G6PC3: variants seen among roughly 807,000 people sequenced by gnomAD.
G6PC3 encodes glucose-6-phosphatase catalytic subunit 3, also known as glucose-6-phosphatase 3.
Under a neutral mutation model 38.6 loss-of-function variants are expected in G6PC3, and 30 were observed. The observed-to-expected ratio is 0.78, with a 90% CI of 0.58 to 1.05. The LOEUF (loss-of-function observed/expected upper bound fraction) is 1.05, where lower values mean the gene tolerates loss of function less well. Ranked by LOEUF, G6PC3 falls within the 50% of genes least tolerant of loss-of-function variation. G6PC3 has a pLI of 0.00. For synonymous variants in G6PC3, 192 were observed against 178.1 expected, an observed-to-expected ratio of 1.08 and a Z score of -0.62; for missense variants, 377 against 443.1, an observed-to-expected ratio of 0.85 and a Z score of 1.34.
rs560767207 is a variant in G6PC3 at position 44,075,456 on chromosome 17, G to A, written c.677+5G>A. Reference sequence around the variant, plus strand: ...ACTGGGCCTGGATCTTTCTTGGTAAGTCTCGCTTTGAAGCCTGGGCAGGCT... The same window carrying A: ...ACTGGGCCTGGATCTTTCTTGGTAAATCTCGCTTTGAAGCCTGGGCAGGCT... On this transcript the variant is annotated splice_donor_5th_base_variant and intron_variant, in intron 5 of 5. Transcript: ENST00000269097. 72 of 1,614,134 alleles carry A rather than the reference G, an allele frequency of 4.5e-5. No individual in the cohort carries two copies. The South Asian group carries it at 7.8e-4, about 17-fold the overall frequency.
In G6PC3 at chr17:44,070,894, A is replaced by T. The variant is rs890663955; in HGVS notation, c.-72A>T. The T allele has an allele frequency of 6.6e-7, 1 of 1,517,338 alleles. No homozygotes were observed. The highest frequency in any genetic ancestry group is 1.4e-5 in the African/African-American group (1 of 72,528). 94.0% of individuals were successfully genotyped at this position (1,517,338 alleles called of 1,614,324 possible). A position where few individuals can be genotyped will look rare whatever the true frequency, so the allele number is the denominator to read the frequency against. On this transcript the variant is annotated 5_prime_UTR_variant, in exon 1 of 6. Coordinates refer to ENST00000269097, the MANE Select transcript of G6PC3 (RefSeq NM_138387.4). ...GTGGGCTTTGGAGATCAGAGGGTCG[A>T]CGCTGCTTCGTTGCCTGGACTCTGG...
chr17:44,070,971 GTC>G lies in G6PC3; in HGVS notation c.7_8del (p.Ser3HisfsTer83). The G allele has an allele frequency of 6.4e-7, 1 of 1,552,080 alleles. No homozygotes were observed. Among genetic ancestry groups the G allele is most frequent in the Non-Finnish European group, 8.7e-7 (1 of 1,147,662 alleles). On this transcript the variant is annotated frameshift_variant, in exon 1 of 6. Transcript: ENST00000269097. ME[S>X]TLGAGIVIAE... ...TGGTCGGCAGCTGGGCCGCCATGGAGTCCACGCTGGGCGCGGGCATCGTGATA... is the reference window on the plus strand; with the variant it reads ...TGGTCGGCAGCTGGGCCGCCATGGAGCACGCTGGGCGCGGGCATCGTGATA...
chr17:44,074,309 G>A (rs1597908151), intron 2 of G6PC3, 43 bp downstream of exon 2: 1 of 1,449,274 alleles, frequency 6.9e-7, no homozygotes, highest in East Asian at 2.3e-5. Context: ...TGTGGTTAGG[G>A]TTCGGGTGAA....
chr17:44,075,845 C>T lies in G6PC3; in HGVS notation c.843C>T (p.Gly281=). 1 of 1,612,108 alleles carries T rather than the reference C, an allele frequency of 6.2e-7. No individual in the cohort carries two copies. The highest frequency in any genetic ancestry group is 1.1e-5 in the South Asian group (1 of 91,090). The change falls in exon 6 of 6, where the codon GGC becomes GGT. Residue 281 remains glycine (G), a synonymous_variant. Coordinates refer to ENST00000269097, the MANE Select transcript of G6PC3 (RefSeq NM_138387.4). ...AQVRRAQLGN[G]QKIACLVLAM... ...TGCGTCGGGCACAGCTGGGAAATGG[C>T]CAGAAGATAGCCTGCCTTGTGCTGG...
At chr17:44,071,769 C>CTG in intron 1 of G6PC3, 1 of 542,522 alleles carries the variant, frequency 1.8e-6, no homozygotes, top group Non-Finnish European at 3.2e-6. Flanking sequence ...GGCCCCGGGC[C>CTG]AGAGCTACTG....
At chr17:44,071,241 G>A (rs777080450) in intron 1 of G6PC3, 58 bp downstream of exon 1, 3 of 1,579,792 alleles carry the variant, frequency 1.9e-6, no homozygotes, top group South Asian at 1.1e-5. Context: ...CCTGAGTCAT[G>A]TGTAAGCCCT....
rs141663645 is a variant in G6PC3 at position 44,075,020 on chromosome 17, G to T, written c.468G>T (p.Ala156=). The change falls in exon 4 of 6, where the codon GCG becomes GCT. Residue 156 remains alanine, a synonymous_variant. Transcript: ENST00000269097. ...PSLAYCTFLL[A]VGLSRIFILA... is the part of the protein sequence containing the mutation. ...TGGCTTATTGCACCTTCCTTTTGGCGGTTGGCTTGTCGCGAATCTTCATCT... is the reference window on the plus strand; with the variant it reads ...TGGCTTATTGCACCTTCCTTTTGGCTGTTGGCTTGTCGCGAATCTTCATCT... 1.1e-5 allele frequency: 18 copies of T among 1,614,040 alleles called. No homozygotes were observed. The highest frequency in any genetic ancestry group is 1.4e-5 in the Non-Finnish European group (17 of 1,180,034).
intron 5 of G6PC3, 92 bp from the exon 6 acceptor site, chr17:44,075,588 G>T: frequency 6.2e-7 from 1 of 1,601,918 alleles, no homozygotes; most frequent in South Asian, 1.1e-5. Flanking sequence ...GCACAAAACA[G>T]AACATGGGAG....
rs752964083 is a variant in G6PC3 at position 44,075,983 on chromosome 17, C to T, written c.981C>T (p.Leu327=). ...TCTGGCCATGCCTAGTCCTGGCCCTCGTGCCCTGGGCAGTGCACATGTTCA... is the reference window on the plus strand; with the variant it reads ...TCTGGCCATGCCTAGTCCTGGCCCTTGTGCCCTGGGCAGTGCACATGTTCA... ...YTLWPCLVLA[L]VPWAVHMFSA... Residue 327 remains leucine, a synonymous_variant, in exon 6 of 6, where the codon CTC becomes CTT. Coordinates refer to ENST00000269097, the MANE Select transcript of G6PC3 (RefSeq NM_138387.4). The T allele has an allele frequency of 9.9e-6, 16 of 1,613,062 alleles. 1 individual carries two copies. Among genetic ancestry groups the T allele is most frequent in the South Asian group, 7.7e-5 (7 of 91,082 alleles).
In G6PC3 at chr17:44,070,969, GA is replaced by G; in HGVS notation, c.5del (p.Glu2GlyfsTer9). 1 of 1,551,848 alleles carries G rather than the reference GA, an allele frequency of 6.4e-7. No homozygotes were observed. The highest frequency in any genetic ancestry group is 8.7e-7 in the Non-Finnish European group (1 of 1,147,590). On this transcript the variant is annotated frameshift_variant, in exon 1 of 6. Transcript: ENST00000269097. The part of the protein sequence containing the change: M[E>X]STLGAGIVIA... Reference sequence around the variant, plus strand: ...CCTGGTCGGCAGCTGGGCCGCCATGGAGTCCACGCTGGGCGCGGGCATCGTG... The same window carrying G: ...CCTGGTCGGCAGCTGGGCCGCCATGGGTCCACGCTGGGCGCGGGCATCGTG...
In G6PC3 at chr17:44,070,884, C is replaced by A. The variant is rs968996122; in HGVS notation, c.-82C>A. The A allele has an allele frequency of 3.4e-6, 5 of 1,486,768 alleles. No homozygotes were observed. The highest frequency in any genetic ancestry group is 2.4e-5 in the South Asian group (2 of 82,552). 92.1% of individuals were successfully genotyped at this position (1,486,768 alleles called of 1,614,324 possible). A position where few individuals can be genotyped will look rare whatever the true frequency, so the allele number is the denominator to read the frequency against. On this transcript the variant is annotated 5_prime_UTR_variant, in exon 1 of 6. Transcript: ENST00000269097. The stretch of plus-strand genomic sequence containing the variant: ...GCTCAGAGGGGTGGGCTTTGGAGAT[C>A]AGAGGGTCGACGCTGCTTCGTTGCC...
rs746410997 is a variant in G6PC3 at position 44,075,791 on chromosome 17, T to C, written c.789T>C (p.Ile263=). 9.9e-6 allele frequency: 16 copies of C among 1,612,044 alleles called. No homozygotes were observed. The highest frequency in any genetic ancestry group is 1.3e-5 in the Non-Finnish European group (15 of 1,180,020). Reference sequence around the variant, plus strand: ...CAGGGGCTGCCCTGGGCCTGGGCATTGCCTTGCACTCTCCCTGCTATGCCC... The same window carrying C: ...CAGGGGCTGCCCTGGGCCTGGGCATCGCCTTGCACTCTCCCTGCTATGCCC... The part of the protein sequence containing the change: ...RDSGAALGLG[I]ALHSPCYAQV... The change falls in exon 6 of 6, where the codon ATT becomes ATC. Residue 263 remains isoleucine, a synonymous_variant. Transcript: ENST00000269097.
rs1211592890 is a variant in G6PC3 at position 44,070,993 on chromosome 17, G to C, written c.28G>C (p.Val10Leu). Residue 10 changes from valine (V) to leucine (L), a missense_variant, in exon 1 of 6, where the codon GTG becomes CTG. Coordinates refer to ENST00000269097, the MANE Select transcript of G6PC3 (RefSeq NM_138387.4). Reference sequence around the variant, plus strand: ...GGAGTCCACGCTGGGCGCGGGCATCGTGATAGCCGAGGCGCTACAGAACCA... The same window carrying C: ...GGAGTCCACGCTGGGCGCGGGCATCCTGATAGCCGAGGCGCTACAGAACCA... MESTLGAGI[V>L]IAEALQNQLA... The C allele has an allele frequency of 6.4e-7, 1 of 1,557,938 alleles. No homozygotes were observed. Among genetic ancestry groups the C allele is most frequent in the African/African-American group, 1.4e-5 (1 of 73,522 alleles).
Position 44,076,088 on chromosome 17 carries a change from C to G in G6PC3, c.*45C>G. 2 of 1,607,376 alleles carry G rather than the reference C, an allele frequency of 1.2e-6. No individual in the cohort carries two copies. Among genetic ancestry groups the G allele is most frequent in the Non-Finnish European group, 8.5e-7 (1 of 1,179,672 alleles). ...TCCTTTCCCTCCCACAAAGCCAACA[C>G]TCTGTGACCACCACACTCCAGGAGG... On this transcript the variant is annotated 3_prime_UTR_variant, in exon 6 of 6. Coordinates refer to ENST00000269097, the MANE Select transcript of G6PC3 (RefSeq NM_138387.4).
chr17:44,071,987 A>G (rs892938222), intron 1 of G6PC3: 2 of 260,778 alleles, frequency 7.7e-6, no homozygotes, highest in African/African-American at 4.5e-5. Flanking sequence ...ATGCAGCCAC[A>G]CCTCCCTTCA....
In G6PC3 at chr17:44,076,008, A is replaced by C. The variant is rs141431274; in HGVS notation, c.1006A>C (p.Ser336Arg). Residue 336 changes from serine to arginine, a missense_variant, in exon 6 of 6, where the codon AGT becomes CGT. Coordinates refer to ENST00000269097, the MANE Select transcript of G6PC3 (RefSeq NM_138387.4). Reference protein sequence around the residue: ...ALVPWAVHMFSAQEAPPIHSS With the variant: ...ALVPWAVHMFRAQEAPPIHSS ...CGTGCCCTGGGCAGTGCACATGTTC[A>C]GTGCCCAGGAAGCACCGCCCATCCA... 5.1e-5 allele frequency: 82 copies of C among 1,613,058 alleles called. No homozygotes were observed. In the African/African-American group the frequency reaches 1.0e-3, roughly 20 times the overall value.
Position 44,070,857 on chromosome 17 carries a change from G to A in G6PC3, c.-109G>A. 2 of 1,294,800 alleles carry A rather than the reference G, an allele frequency of 1.5e-6. No homozygotes were observed. Among genetic ancestry groups the A allele is most frequent in the African/African-American group, 2.9e-5 (2 of 68,742 alleles). 80.2% of individuals were successfully genotyped at this position (1,294,800 alleles called of 1,614,324 possible). On this transcript the variant is annotated 5_prime_UTR_variant, in exon 1 of 6. Transcript: ENST00000269097. ...GTGACCGCTGGCGGGGCGGGGCCTG[G>A]GGCTCAGAGGGGTGGGCTTTGGAGA...
intron 1 of G6PC3, 175 bp downstream of exon 1, chr17:44,071,358 T>TC: frequency 9.6e-7 from 1 of 1,041,276 alleles, no homozygotes; most frequent in Non-Finnish European, 1.4e-6. Context: ...AACCTCAGAG[T>TC]CCAACCATCC....
rs2050072075 is a variant in G6PC3, at chr17:44,075,342, G to A, written c.568G>A (p.Val190Met). 1 of 1,614,180 alleles carries A rather than the reference G, an allele frequency of 6.2e-7. No homozygotes were observed. The highest frequency in any genetic ancestry group is 8.5e-7 in the Non-Finnish European group (1 of 1,180,018). ...CCTGGGCTGGCTGATGACTCCCCGA[G>A]TGCCTATGGAGCGGGAGCTAAGCTT... is the stretch of plus-strand genomic sequence containing the variant. ...AVLGWLMTPR[V>M]PMERELSFYG... is the part of the protein sequence containing the mutation. The change falls in exon 5 of 6, where the codon GTG becomes ATG. Residue 190 changes from valine to methionine, a missense_variant. Physicochemically the swap from Val to Met is conservative, Grantham distance 21. Transcript: ENST00000269097.
Sources: gnomAD v4.1 joint callset for allele counts on GRCh38, gnomAD v4.1.1 for gene constraint, MANE v1.5 for transcripts, NCBI Gene and HGNC (gene_info 2026-07-23, HGNC 2026-07-21) for gene names.